ITSN1: variants seen among roughly 807,000 people sequenced by gnomAD.
The protein encoded by ITSN1 is intersectin-1.
A neutral mutation model predicts 239.8 loss-of-function variants in ITSN1; 58 were observed. The ratio of observed to expected loss-of-function variants is 0.24; its 90% CI spans 0.20 to 0.30. The LOEUF is 0.30. Ranked by LOEUF, ITSN1 falls within the 10% of genes least tolerant of loss-of-function variation. The probability of loss-of-function intolerance (pLI) is 1.00; values close to 1 mark genes in which losing one functional copy is unlikely to be tolerated. For synonymous variants in ITSN1, 780 were observed against 770.8 expected, an observed-to-expected ratio of 1.01 and a Z score of -0.20; for missense variants, 1,558 against 2,103.3, an observed-to-expected ratio of 0.74 and a Z score of 5.07.
chr21:33,782,222 A>G (rs1314220299), intron 16 of ITSN1, 89 bp downstream of exon 16: 2 of 1,262,504 alleles, frequency 1.6e-6, no homozygotes, highest in African/African-American at 3.0e-5. Context: ...TCACAGGCAG[A>G]AAAATTTATT....
At chr21:33,686,901 CTT>C (rs2091269323) in intron 1 of ITSN1, among the ~76,000 whole-genome samples, 2 of 152,258 alleles carry the variant, frequency 1.3e-5, no homozygotes, top group South Asian at 4.1e-4. Flanking sequence ...GAATTGTTCT[CTT>C]TATCTGGTTT....
At chr21:33,749,962 T>C in intron 5 of ITSN1, 181 bp from the exon 6 acceptor site, 1 of 613,488 alleles carries the variant, frequency 1.6e-6, no homozygotes, top group Non-Finnish European at 2.9e-6. Flanking sequence ...TCTTGAGTCC[T>C]TTTGATGTGA....
chr21:33,892,670 A>G lies in ITSN1; in HGVS notation c.*4370A>G, dbSNP rs1027019935. ...CTGCACTAGTGAGGGGGGCTCAGGA[A>G]TTCCCATGACATTGATCTAGCAGCC... On this transcript the variant is annotated 3_prime_UTR_variant, in exon 40 of 40. Coordinates refer to ENST00000381318, the MANE Select transcript of ITSN1 (RefSeq NM_003024.3). 7 of 152,216 alleles carry G rather than the reference A, an allele frequency of 4.6e-5. No homozygotes were observed. Among genetic ancestry groups the G allele is most frequent in the African/African-American group, 1.4e-4 (6 of 41,452 alleles). 9.4% of individuals were successfully genotyped at this position (152,216 alleles called of 1,614,324 possible).
At chr21:33,790,211 A>G (rs2071001602) in intron 16 of ITSN1, among the ~76,000 whole-genome samples, 1 of 152,094 alleles carries the variant, frequency 6.6e-6, no homozygotes, top group African/African-American at 2.4e-5. Flanking sequence ...AACCTGGTTA[A>G]GAAACTCTGT....
intron 5 of ITSN1, among the ~76,000 whole-genome samples, chr21:33,736,809 G>A (rs1569059435): frequency 6.6e-6 from 1 of 152,120 alleles, no homozygotes; most frequent in East Asian, 1.9e-4. Context: ...ACATAACAAG[G>A]CCTCGTTGCT....
chr21:33,885,146 G>A, intron 37 of ITSN1, 23 bp downstream of exon 37: 1 of 1,594,990 alleles, frequency 6.3e-7, no homozygotes, highest in Non-Finnish European at 8.6e-7. Flanking sequence ...CCCGCGGGGT[G>A]TCCTGCACAG....
At chr21:33,672,344 T>G (rs764331873) in intron 1 of ITSN1, among the ~76,000 whole-genome samples, 32 of 152,220 alleles carry the variant, frequency 2.1e-4, no homozygotes, top group Non-Finnish European at 5.9e-5. Context: ...TCAGGTAAGA[T>G]GCAAACAATG....
At chr21:33,826,246 C>T (rs2073965239) in intron 25 of ITSN1, among the ~76,000 whole-genome samples, 1 of 152,104 alleles carries the variant, frequency 6.6e-6, no homozygotes, top group Non-Finnish European at 1.5e-5. Context: ...GTGGAAAGGC[C>T]ACACAGGACA....
At chr21:33,756,953 A>G (rs2067964144) in intron 8 of ITSN1, 1 of 151,966 alleles carries the variant, frequency 6.6e-6, no homozygotes, top group African/African-American at 2.4e-5. Context: ...TTTAGTAGAA[A>G]CAGGGTTTCA....
chr21:33,772,945 A>C lies in ITSN1; in HGVS notation c.1305+622A>C, dbSNP rs560726482. Among the ~76,000 whole-genome samples, 101 of 151,642 alleles carry C rather than the reference A, an allele frequency of 6.7e-4. 1 individual carries two copies. The South Asian group carries it at 0.015, about 23-fold the overall frequency. ...TGGCGGAGAGTGTAAGGGCTGTATA[A>C]TTTTTTAAAAACCACTGTAATAGTA... On this transcript the variant is annotated intron_variant, in intron 12 of 39. Coordinates refer to ENST00000381318, the MANE Select transcript of ITSN1 (RefSeq NM_003024.3).
At chr21:33,883,899 T>A (rs1985358669) in intron 36 of ITSN1, among the ~76,000 whole-genome samples, 1 of 148,480 alleles carries the variant, frequency 6.7e-6, no homozygotes, top group South Asian at 2.2e-4. Flanking sequence ...CTTGAGTTTT[T>A]TTTTTTTTTT....
intron 13 of ITSN1, 36 bp downstream of exon 13, chr21:33,774,914 A>G (rs766828467): frequency 6.2e-7 from 1 of 1,603,876 alleles, no homozygotes. Flanking sequence ...AAAATATACT[A>G]AGATGGAACC....
At chr21:33,783,665 T>C (rs1336452506) in intron 16 of ITSN1, among the ~76,000 whole-genome samples, 2 of 150,626 alleles carry the variant, frequency 1.3e-5, no homozygotes, top group Non-Finnish European at 2.9e-5. Flanking sequence ...ACATTAACTT[T>C]CATTGTCACT....
In ITSN1 at chr21:33,673,881, A is replaced by G. The variant is rs982409332; in HGVS notation, c.-33+31168A>G. ...AAACCTCCATCAGAGGTAAACAACT[A>G]TGTTAATTATTACATCAAACTTCTG... is the stretch of plus-strand genomic sequence containing the variant. On this transcript the variant is annotated intron_variant, in intron 1 of 39. Coordinates refer to ENST00000381318, the MANE Select transcript of ITSN1 (RefSeq NM_003024.3). 3.3e-5 allele frequency among the ~76,000 whole-genome samples: 5 copies of G among 152,366 alleles called. No individual in the cohort carries two copies. The East Asian group carries it at 9.6e-4, about 29-fold the overall frequency.
At chr21:33,864,506 C>A (rs911319378) in intron 31 of ITSN1, among the ~76,000 whole-genome samples, 2 of 152,204 alleles carry the variant, frequency 1.3e-5, no homozygotes, top group Non-Finnish European at 2.9e-5. Flanking sequence ...CCCATCAACA[C>A]CTCTCCTGAA....
chr21:33,696,556 C>T (rs2091802666), intron 1 of ITSN1, among the ~76,000 whole-genome samples: 1 of 152,180 alleles, frequency 6.6e-6, no homozygotes, highest in Admixed American at 6.5e-5. Flanking sequence ...AAATGTAGGG[C>T]ATTTTATAAT....
At chr21:33,758,335 G>A (rs561543857) in intron 8 of ITSN1, among the ~76,000 whole-genome samples, 19 of 152,124 alleles carry the variant, frequency 1.2e-4, no homozygotes, top group Non-Finnish European at 2.6e-4. Context: ...GGCTGGTCTC[G>A]AACTCCTGAG....
chr21:33,881,983 G>A (rs9978363), intron 34 of ITSN1, among the ~76,000 whole-genome samples: 124,496 of 150,380 alleles, frequency 0.83, 52,041 homozygotes, highest in East Asian at 0.96. Context: ...AAACACACCA[G>A]TTGCACCATA....
At chr21:33,784,151 A>C (rs1314458985) in intron 16 of ITSN1, among the ~76,000 whole-genome samples, 3 of 152,020 alleles carry the variant, frequency 2.0e-5, no homozygotes, top group Non-Finnish European at 4.4e-5. Flanking sequence ...TCTCTTATTA[A>C]CTTTAATTAA....
Sources: allele counts gnomAD v4.1 joint callset (sites outside exome capture counted in the v4.1 genomes callset), GRCh38; gene constraint gnomAD v4.1.1; transcripts MANE v1.5; gene names NCBI Gene and HGNC (gene_info 2026-07-23, HGNC 2026-07-21).